PTPRM: variants seen among roughly 807,000 people sequenced by gnomAD.
PTPRM encodes protein tyrosine phosphatase receptor type M, also known as receptor-type tyrosine-protein phosphatase mu.
PTPRM carries 47 observed loss-of-function variants against 186.7 expected under a neutral mutation model. That is an observed-to-expected ratio of 0.25 (90% CI 0.20 to 0.32). PTPRM has a LOEUF of 0.32. Among genes scored for constraint, PTPRM ranks in the 10% least tolerant of loss-of-function variants. The pLI, the probability that PTPRM is intolerant of heterozygous loss-of-function variation, is 1.00. For synonymous variants in PTPRM, 668 were observed against 674.9 expected, an observed-to-expected ratio of 0.99 and a Z score of 0.16; for missense variants, 1,494 against 1,865.0, an observed-to-expected ratio of 0.80 and a Z score of 3.66.
chr18:8,296,167 T>C (rs1043406360), intron 19 of PTPRM, among the ~76,000 whole-genome samples: 1 of 152,216 alleles, frequency 6.6e-6, no homozygotes, highest in African/African-American at 2.4e-5. Flanking sequence ...TGTAAGGTAC[T>C]AACTAAAGGA....
chr18:7,684,517 A>C (rs1187132498), intron 1 of PTPRM, among the ~76,000 whole-genome samples: 1 of 152,042 alleles, frequency 6.6e-6, no homozygotes, highest in African/African-American at 2.4e-5. Flanking sequence ...CCTCTCCCCG[A>C]GCCCTGGCAA....
intron 15 of PTPRM, among the ~76,000 whole-genome samples, chr18:8,245,945 G>A (rs755528709): frequency 2.0e-5 from 3 of 152,118 alleles, no homozygotes; most frequent in Non-Finnish European, 4.4e-5. Flanking sequence ...ATGTACAAAC[G>A]GCAGCTGCAG....
intron 23 of PTPRM, among the ~76,000 whole-genome samples, chr18:8,351,010 G>T (rs1457211723): frequency 1.3e-5 from 2 of 152,172 alleles, no homozygotes; most frequent in Non-Finnish European, 2.9e-5. Context: ...GACTTCTGAG[G>T]TTTATTTCAT....
At chr18:7,917,342 G>A (rs1463696541) in intron 4 of PTPRM, among the ~76,000 whole-genome samples, 1 of 152,112 alleles carries the variant, frequency 6.6e-6, no homozygotes, top group Non-Finnish European at 1.5e-5. Context: ...GACCATCCTG[G>A]CTAACATAGT....
At chr18:7,904,050 G>A (rs188196712) in intron 3 of PTPRM, among the ~76,000 whole-genome samples, 14 of 152,040 alleles carry the variant, frequency 9.2e-5, no homozygotes, top group African/African-American at 2.4e-4. Context: ...TTGATTTTTC[G>A]TATGAACTAA....
chr18:7,594,037 G>A (rs2143660233), intron 1 of PTPRM, among the ~76,000 whole-genome samples: 1 of 152,258 alleles, frequency 6.6e-6, no homozygotes, highest in South Asian at 2.1e-4. Flanking sequence ...GAATTAAGTA[G>A]CTTTGTCACT....
At chr18:8,184,729 C>G (rs1320315811) in intron 14 of PTPRM, among the ~76,000 whole-genome samples, 2 of 152,114 alleles carry the variant, frequency 1.3e-5, no homozygotes, top group African/African-American at 2.4e-5. Context: ...AGGATTTGCC[C>G]TATGTATTTA....
chr18:8,087,672 A>G (rs1038906310), intron 10 of PTPRM, among the ~76,000 whole-genome samples: 7 of 152,184 alleles, frequency 4.6e-5, no homozygotes, highest in Admixed American at 4.6e-4. Context: ...ATTCTATGTT[A>G]TGAATTGGAG....
intron 14 of PTPRM, among the ~76,000 whole-genome samples, chr18:8,223,193 C>T (rs1451979752): frequency 6.6e-6 from 1 of 152,090 alleles, no homozygotes; most frequent in Non-Finnish European, 1.5e-5. Context: ...CACTGCACTC[C>T]AGCCTGGGAG....
In PTPRM at chr18:8,076,571, T is replaced by A. The variant is rs1329485994; in HGVS notation, c.1551+7T>A. 1 of 1,392,778 alleles carries A rather than the reference T, an allele frequency of 7.2e-7. No homozygotes were observed. Among genetic ancestry groups the A allele is most frequent in the Non-Finnish European group, 1.0e-6 (1 of 989,804 alleles). The allele number at this position is 1,392,778 out of a possible 1,614,324, so 86.3% of individuals were successfully genotyped here. A position where few individuals can be genotyped will look rare whatever the true frequency, so the allele number is the denominator to read the frequency against. Reference sequence around the variant, plus strand: ...TGTAATCACTTTATATGAGGTAATATATATGTTTGTTAGTAATTTTTAATT... The same window carrying A: ...TGTAATCACTTTATATGAGGTAATAAATATGTTTGTTAGTAATTTTTAATT... On this transcript the variant is annotated splice_region_variant and intron_variant, in intron 9 of 32. Coordinates refer to ENST00000580170, the MANE Select transcript of PTPRM (RefSeq NM_001105244.2).
intron 14 of PTPRM, among the ~76,000 whole-genome samples, chr18:8,177,963 C>T (rs1048962395): frequency 1.3e-5 from 2 of 152,152 alleles, no homozygotes; most frequent in Admixed American, 1.3e-4. Context: ...CACATGCTCA[C>T]TTAAGACATT....
intron 7 of PTPRM, among the ~76,000 whole-genome samples, chr18:7,979,263 A>C (rs1157667411): frequency 6.6e-6 from 1 of 152,198 alleles, no homozygotes; most frequent in African/African-American, 2.4e-5. Flanking sequence ...TCTAGGATAG[A>C]ATCCTGGAGT....
At chr18:7,981,381 A>C (rs978518255) in intron 7 of PTPRM, among the ~76,000 whole-genome samples, 15 of 152,158 alleles carry the variant, frequency 9.9e-5, no homozygotes, top group African/African-American at 3.6e-4. Context: ...CTTTCAACAG[A>C]TATTTTGGAG....
chr18:8,140,058 C>T (rs183377129), intron 13 of PTPRM, among the ~76,000 whole-genome samples: 181 of 152,290 alleles, frequency 1.2e-3, no homozygotes, highest in Non-Finnish European at 2.4e-3. Flanking sequence ...TAGTCACCAC[C>T]GTGCAAAGTT....
At chr18:8,084,085 C>A (rs1160778394) in intron 9 of PTPRM, among the ~76,000 whole-genome samples, 1 of 152,146 alleles carries the variant, frequency 6.6e-6, no homozygotes, top group Non-Finnish European at 1.5e-5. Context: ...GTTGTTGGAT[C>A]ACTTCTCCCC....
At chr18:8,212,056 G>A (rs2094013579) in intron 14 of PTPRM, among the ~76,000 whole-genome samples, 1 of 152,084 alleles carries the variant, frequency 6.6e-6, no homozygotes, top group African/African-American at 2.4e-5. Context: ...GAGAGACCAG[G>A]ACAGAAGATG....
intron 1 of PTPRM, among the ~76,000 whole-genome samples, chr18:7,643,254 C>G (rs911911697): frequency 6.6e-6 from 1 of 152,130 alleles, no homozygotes; most frequent in Non-Finnish European, 1.5e-5. Flanking sequence ...ACTTTATGTA[C>G]TGACATGGCC....
intron 13 of PTPRM, among the ~76,000 whole-genome samples, chr18:8,136,130 T>C (rs1454515945): frequency 6.6e-6 from 1 of 152,210 alleles, no homozygotes; most frequent in African/African-American, 2.4e-5. Flanking sequence ...AAGCAAATGG[T>C]TGGAAACTTC....
chr18:7,839,815 A>G (rs1299366902), intron 2 of PTPRM, among the ~76,000 whole-genome samples: 2 of 152,104 alleles, frequency 1.3e-5, no homozygotes, highest in Non-Finnish European at 2.9e-5. Context: ...TTTGGGTTCC[A>G]GAGTACTTTA....
Sources: gnomAD v4.1 joint callset for allele counts (sites outside exome capture counted in the v4.1 genomes callset) on GRCh38, gnomAD v4.1.1 for gene constraint, MANE v1.5 for transcripts, NCBI Gene and HGNC (gene_info 2026-07-23, HGNC 2026-07-21) for gene names.